The following PSMA1 variants were observed in gnomAD, a reference collection of about 807,000 sequenced individuals.
The protein encoded by PSMA1 is proteasome subunit alpha type-1.
Under a neutral mutation model 38.4 loss-of-function variants are expected in PSMA1, and 3 were observed. The observed-to-expected ratio is 0.08, with a 90% CI of 0.04 to 0.20. The LOEUF (loss-of-function observed/expected upper bound fraction) is 0.20. Ranked by LOEUF, PSMA1 falls within the 10% of genes least tolerant of loss-of-function variation. The probability of loss-of-function intolerance (pLI) is 1.00; values close to 1 mark genes in which losing one functional copy is unlikely to be tolerated. For missense variants in PSMA1, 227 were observed against 325.3 expected, an observed-to-expected ratio of 0.70 and a Z score of 2.32; for synonymous variants, 101 against 107.1, an observed-to-expected ratio of 0.94 and a Z score of 0.35.
At chr11:14,511,878 T>C (rs535108900) in intron 7 of PSMA1, among the ~76,000 whole-genome samples, 1 of 152,272 alleles carries the variant, frequency 6.6e-6, no homozygotes, top group African/African-American at 2.4e-5. Context: ...TATAAAAAAA[T>C]GACTAGAACT....
At chr11:14,546,151 T>TC (rs1491333806) in intron 2 of PSMA1, among the ~76,000 whole-genome samples, 8 of 116,102 alleles carry the variant, frequency 6.9e-5, no homozygotes, top group South Asian at 3.3e-4. Context: ...TCTCTCTCTC[T>TC]TTTTTTTTTT....
At chr11:14,512,383 A>G (rs1371271248) in intron 7 of PSMA1, among the ~76,000 whole-genome samples, 1 of 152,276 alleles carries the variant, frequency 6.6e-6, no homozygotes, top group African/African-American at 2.4e-5. Context: ...TCAGGAAAAA[A>G]AAAAAAAGAA....
intron 4 of PSMA1, among the ~76,000 whole-genome samples, chr11:14,516,185 G>A (rs1272807512): frequency 2.7e-5 from 4 of 148,032 alleles, no homozygotes; most frequent in Non-Finnish European, 5.9e-5. Context: ...ACTCTAGCCT[G>A]GGCGACAGCG....
chr11:14,548,592 T>C (rs1330802053), intron 2 of PSMA1, among the ~76,000 whole-genome samples: 1 of 152,164 alleles, frequency 6.6e-6, no homozygotes, highest in African/African-American at 2.4e-5. Context: ...AAACTGGCCA[T>C]AGTGGAAATA....
chr11:14,601,917 G>C (rs2134194191), intron 2 of PSMA1, among the ~76,000 whole-genome samples: 1 of 152,184 alleles, frequency 6.6e-6, no homozygotes, highest in South Asian at 2.1e-4. Flanking sequence ...GTCAGAAAAA[G>C]GTAAGGATAT....
chr11:14,551,006 CTAAA>C (rs1262226167), intron 2 of PSMA1, among the ~76,000 whole-genome samples: 2 of 152,182 alleles, frequency 1.3e-5, no homozygotes, highest in East Asian at 3.9e-4. Flanking sequence ...GTTTAGGTAT[CTAAA>C]TATAGCACAC....
At chr11:14,558,068 C>T (rs751547226) in intron 2 of PSMA1, among the ~76,000 whole-genome samples, 3 of 151,784 alleles carry the variant, frequency 2.0e-5, no homozygotes, top group African/African-American at 4.8e-5. Flanking sequence ...CAAATACAAA[C>T]GATGAGCAAA....
chr11:14,630,588 T>G (rs925517926), intron 1 of PSMA1, among the ~76,000 whole-genome samples: 6 of 151,890 alleles, frequency 4.0e-5, no homozygotes, highest in South Asian at 2.1e-4. Flanking sequence ...TGAGGATTTT[T>G]GCATCAATGT....
intron 2 of PSMA1, among the ~76,000 whole-genome samples, chr11:14,584,405 G>A (rs1231773436): frequency 6.6e-6 from 1 of 151,634 alleles, no homozygotes; most frequent in Non-Finnish European, 1.5e-5. Context: ...TTAAGTGGAA[G>A]ATACCACATT....
chr11:14,590,640 T>G (rs1852401898), intron 2 of PSMA1, among the ~76,000 whole-genome samples: 1 of 152,180 alleles, frequency 6.6e-6, no homozygotes, highest in Non-Finnish European at 1.5e-5. Flanking sequence ...CTTCCTTATC[T>G]GGGAATGAGT....
intron 2 of PSMA1, among the ~76,000 whole-genome samples, chr11:14,596,425 A>G (rs1189209045): frequency 6.6e-6 from 1 of 152,144 alleles, no homozygotes; most frequent in South Asian, 2.1e-4. Context: ...TTCCTTGAGC[A>G]GTGGTTTGTA....
At chr11:14,593,964 C>T (rs1000691049) in intron 2 of PSMA1, among the ~76,000 whole-genome samples, 7 of 152,198 alleles carry the variant, frequency 4.6e-5, no homozygotes, top group Admixed American at 6.5e-5. Flanking sequence ...AATAGGTTGC[C>T]TTACGCAGTT....
chr11:14,518,608 G>A (rs879505355), intron 2 of PSMA1, among the ~76,000 whole-genome samples: 37 of 152,236 alleles, frequency 2.4e-4, no homozygotes, highest in Non-Finnish European at 5.0e-4. Flanking sequence ...ATTATTAACT[G>A]TAGTCTTCAT....
At chr11:14,551,640 C>G (rs942859723) in intron 2 of PSMA1, among the ~76,000 whole-genome samples, 3 of 152,172 alleles carry the variant, frequency 2.0e-5, no homozygotes, top group African/African-American at 7.2e-5. Context: ...CCCAGCTCCC[C>G]TACCATGATG....
chr11:14,570,878 G>A (rs1488344455), intron 2 of PSMA1, among the ~76,000 whole-genome samples: 1 of 152,130 alleles, frequency 6.6e-6, no homozygotes, highest in African/African-American at 2.4e-5. Flanking sequence ...TCCTTGAGAA[G>A]AGCAACTCCA....
intron 3 of PSMA1, 55 bp downstream of exon 3, chr11:14,517,825 T>C: frequency 1.3e-6 from 2 of 1,525,038 alleles, no homozygotes; most frequent in Non-Finnish European, 8.9e-7. Context: ...TTATTTTCTA[T>C]GGTGAAATTT....
intron 2 of PSMA1, among the ~76,000 whole-genome samples, chr11:14,585,984 A>G (rs938687095): frequency 6.6e-6 from 1 of 152,178 alleles, no homozygotes; most frequent in African/African-American, 2.4e-5. Flanking sequence ...CAAACAGACA[A>G]GACAGTTGAA....
In PSMA1 at chr11:14,598,266, G is replaced by A. The variant is rs182775302; in HGVS notation, c.21+12700C>T. Among the ~76,000 whole-genome samples, 11 of 152,250 alleles carry A rather than the reference G, an allele frequency of 7.2e-5. No individual in the cohort carries two copies. The East Asian group carries it at 1.2e-3, about 16-fold the overall frequency. On this transcript the variant is annotated intron_variant, in intron 2 of 10. Coordinates refer to the PSMA1 transcript ENST00000418988. ...AGTTCGGTAGATGACTATAAGGTCC[G>A]CTTGGTGCAGAGCTGAGTTCAATTT...
intron 2 of PSMA1, among the ~76,000 whole-genome samples, chr11:14,532,915 C>A (rs1589985155): frequency 6.6e-6 from 1 of 151,966 alleles, no homozygotes; most frequent in East Asian, 1.9e-4. Flanking sequence ...TAAAAAAAAT[C>A]TAAAAATAGC....
Sources: allele counts gnomAD v4.1 joint callset (sites outside exome capture counted in the v4.1 genomes callset), GRCh38; gene constraint gnomAD v4.1.1; transcripts MANE v1.5; gene names NCBI Gene and HGNC (gene_info 2026-07-23, HGNC 2026-07-21).